NPAS3: variants seen among roughly 807,000 people sequenced by gnomAD.
NPAS3 encodes neuronal PAS domain protein 3.
NPAS3 carries 14 observed loss-of-function variants against 73.1 expected under a neutral mutation model. The observed-to-expected ratio is 0.19, with a 90% CI of 0.13 to 0.30. The LOEUF (loss-of-function observed/expected upper bound fraction) is 0.30, where lower values mean the gene tolerates loss of function less well. Ranked by LOEUF, NPAS3 falls within the 10% of genes least tolerant of loss-of-function variation. The pLI, the probability that NPAS3 is intolerant of heterozygous loss-of-function variation, is 1.00. For synonymous variants in NPAS3, 620 were observed against 541.5 expected (o/e 1.14, Z -2.01); for missense variants, 1,096 against 1,250.0 (o/e 0.88, Z 1.86).
chr14:33,259,608 T>A (rs1198004301), intron 3 of NPAS3, among the ~76,000 whole-genome samples: 1 of 152,128 alleles, frequency 6.6e-6, no homozygotes, highest in Non-Finnish European at 1.5e-5. Context: ...CTGAAAAATA[T>A]TTTGAGGGGG....
Position 33,414,403 on chromosome 14 carries a change from G to A in NPAS3, c.468+47135G>A, listed in dbSNP as rs1594865428. On this transcript the variant is annotated intron_variant, in intron 4 of 11. Transcript: ENST00000356141. Reference sequence around the variant, plus strand: ...GGGCGTCTCTGTGAGATATAATGAAGAAACATCAATTAGCAGGTTTCTCCA... The same window carrying A: ...GGGCGTCTCTGTGAGATATAATGAAAAAACATCAATTAGCAGGTTTCTCCA... Among the ~76,000 whole-genome samples the A allele has an allele frequency of 1.3e-5, 2 of 152,084 alleles. 1 individual carries two copies. The highest frequency in any genetic ancestry group is 4.2e-4 in the South Asian group (2 of 4,812).
chr14:33,176,218 T>C (rs1157925052), intron 2 of NPAS3, among the ~76,000 whole-genome samples: 2 of 152,212 alleles, frequency 1.3e-5, no homozygotes, highest in African/African-American at 2.4e-5. Context: ...TTTATTGTGG[T>C]AAAGATACAT....
At position 33,632,598 on chromosome 14, in the gene NPAS3, A is replaced by G. The variant is rs140923216; in HGVS notation, c.559-43613A>G. 6.0e-3 allele frequency among the ~76,000 whole-genome samples: 915 copies of G among 152,222 alleles called. 8 individuals are homozygous for G. Among genetic ancestry groups the G allele is most frequent in the African/African-American group, 0.02 (845 of 41,554 alleles). On this transcript the variant is annotated intron_variant, in intron 5 of 11. Coordinates refer to ENST00000356141, the Ensembl canonical transcript of NPAS3. ...ACTTGCCATCCTTGCCACAGAGTCT[A>G]TGGTTTGGGCCTTTTCACCTCTCCA... is the stretch of plus-strand genomic sequence containing the variant.
chr14:33,273,854 C>G (rs560589966), intron 3 of NPAS3, among the ~76,000 whole-genome samples: 37 of 152,164 alleles, frequency 2.4e-4, no homozygotes, highest in African/African-American at 8.9e-4. Flanking sequence ...GAATGAATGT[C>G]CAACAAAAAA....
intron 9 of NPAS3, among the ~76,000 whole-genome samples, chr14:33,782,541 CT>C (rs2063009410): frequency 6.6e-6 from 1 of 152,198 alleles, no homozygotes; most frequent in East Asian, 1.9e-4. Flanking sequence ...TCAGCAACAA[CT>C]TTCTAAAACC....
At chr14:33,232,458 A>G (rs1289187296) in intron 3 of NPAS3, among the ~76,000 whole-genome samples, 1 of 152,210 alleles carries the variant, frequency 6.6e-6, no homozygotes, top group Non-Finnish European at 1.5e-5. Context: ...CTACTGTGGA[A>G]CAGTGAGATG....
intron 4 of NPAS3, among the ~76,000 whole-genome samples, chr14:33,544,798 A>ATATATATG (rs2054720241): frequency 1.3e-5 from 1 of 75,586 alleles, no homozygotes; most frequent in African/African-American, 8.5e-5. Context: ...TTATATATAT[A>ATATATATG]TATATATATA....
At chr14:33,528,065 A>C (rs2053880495) in intron 4 of NPAS3, among the ~76,000 whole-genome samples, 1 of 152,072 alleles carries the variant, frequency 6.6e-6, no homozygotes, top group South Asian at 2.1e-4. Context: ...CCATAGAATT[A>C]TTTTCCCCTT....
exon 7 of NPAS3, chr14:33,735,243 A>G: frequency 6.2e-7 from 1 of 1,613,564 alleles, no homozygotes; most frequent in Non-Finnish European, 8.5e-7. Context: ...TCTGCTAACC[A>G]CTGACAACAC....
At chr14:33,211,039 G>A (rs1022531673) in intron 2 of NPAS3, among the ~76,000 whole-genome samples, 20 of 152,116 alleles carry the variant, frequency 1.3e-4, no homozygotes, top group African/African-American at 4.8e-4. Context: ...GTGAGCTTAG[G>A]TTTTCATTTA....
At chr14:33,657,302 T>C (rs540738769) in intron 5 of NPAS3, among the ~76,000 whole-genome samples, 26 of 152,238 alleles carry the variant, frequency 1.7e-4, no homozygotes, top group Admixed American at 7.2e-4. Context: ...AGAGGCCACA[T>C]ACAGAAAAGC....
chr14:33,366,595 T>A (rs10483437), intron 3 of NPAS3, among the ~76,000 whole-genome samples: 41,760 of 152,078 alleles, frequency 0.27, 6,180 homozygotes, highest in African/African-American at 0.34. Flanking sequence ...AGGAATAGTT[T>A]CACATGAATA....
At chr14:33,059,373 C>G (rs1370995121) in intron 2 of NPAS3, among the ~76,000 whole-genome samples, 2 of 152,080 alleles carry the variant, frequency 1.3e-5, no homozygotes, top group Admixed American at 1.3e-4. Context: ...TAATTAGTTC[C>G]AAATAATAGT....
At chr14:33,705,605 T>C (rs2060635983) in intron 6 of NPAS3, among the ~76,000 whole-genome samples, 1 of 152,172 alleles carries the variant, frequency 6.6e-6, no homozygotes, top group Non-Finnish European at 1.5e-5. Flanking sequence ...GTGGAGAAGC[T>C]ATGTAGAAAA....
intron 2 of NPAS3, among the ~76,000 whole-genome samples, chr14:33,136,122 G>A (rs1013916590): frequency 5.5e-5 from 8 of 146,482 alleles, no homozygotes; most frequent in Admixed American, 3.5e-4. Context: ...GTGTGGTAGC[G>A]CGATCTTGGC....
At chr14:33,662,745 CTGTT>C (rs1192346953) in intron 5 of NPAS3, among the ~76,000 whole-genome samples, 1 of 151,700 alleles carries the variant, frequency 6.6e-6, no homozygotes, top group South Asian at 2.1e-4. Context: ...ATTTAGGTCT[CTGTT>C]TGTCTATTAT....
chr14:33,647,210 C>T (rs1235680371), intron 5 of NPAS3, among the ~76,000 whole-genome samples: 1 of 151,872 alleles, frequency 6.6e-6, no homozygotes, highest in Admixed American at 6.6e-5. Context: ...CCAGAATGCA[C>T]CAAATGGCAT....
chr14:33,125,497 A>G (rs2043394999), intron 2 of NPAS3, among the ~76,000 whole-genome samples: 1 of 152,164 alleles, frequency 6.6e-6, no homozygotes. Flanking sequence ...AGTGGCTGAT[A>G]GAAGTGTGAT....
Position 33,681,900 on chromosome 14 carries a change from G to A in NPAS3, c.733+5515G>A, listed in dbSNP as rs139668479. Among the ~76,000 whole-genome samples the A allele has an allele frequency of 1.2e-3, 179 of 150,894 alleles. 1 individual carries two copies. The highest frequency in any genetic ancestry group is 4.1e-3 in the African/African-American group (168 of 40,756). On this transcript the variant is annotated intron_variant, in intron 6 of 11. Coordinates refer to ENST00000356141, the Ensembl canonical transcript of NPAS3. The stretch of plus-strand genomic sequence containing the variant: ...AGGGTAAGTGACAAACAGTGTAGTC[G>A]AGTGGTATGCTACTTTTGCCTTTCC...
Sources: allele counts gnomAD v4.1 joint callset (sites outside exome capture counted in the v4.1 genomes callset), GRCh38; gene constraint gnomAD v4.1.1; transcripts MANE v1.5; gene names NCBI Gene and HGNC (gene_info 2026-07-23, HGNC 2026-07-21).